Variants in HCRTR2 observed in about 807,000 individuals in gnomAD.
The protein encoded by HCRTR2 is hypocretin receptor 2, also known as orexin receptor type 2.
A neutral mutation model predicts 49.0 loss-of-function variants in HCRTR2; 22 were observed. The observed-to-expected ratio is 0.45, with a 90% confidence interval of 0.32 to 0.64. The LOEUF (loss-of-function observed/expected upper bound fraction) is 0.64. Among genes scored for constraint, HCRTR2 ranks in the 30% least tolerant of loss-of-function variants. HCRTR2 has a pLI of 0.04. For synonymous variants in HCRTR2, 236 were observed against 205.3 expected, an observed-to-expected ratio of 1.15 and a Z score of -1.28; for missense variants, 491 against 559.4, an observed-to-expected ratio of 0.88 and a Z score of 1.23.
At chr6:55,134,879 C>T (rs1561982710) in intron 1 of HCRTR2, among the ~76,000 whole-genome samples, 1 of 151,750 alleles carries the variant, frequency 6.6e-6, no homozygotes, top group Non-Finnish European at 1.5e-5. Context: ...GAAATATTTT[C>T]TTCTTTATTC....
intron 1 of HCRTR2, among the ~76,000 whole-genome samples, chr6:55,209,740 CT>C (rs1765664624): frequency 6.6e-6 from 1 of 152,070 alleles, no homozygotes; most frequent in Non-Finnish European, 1.5e-5. Context: ...GCAATACTTA[CT>C]TTAAAGTAGG....
chr6:55,214,736 A>G (rs1036606671), intron 1 of HCRTR2, among the ~76,000 whole-genome samples: 18 of 152,082 alleles, frequency 1.2e-4, no homozygotes, highest in Non-Finnish European at 1.5e-4. Context: ...AAATGTAACT[A>G]TAAGTAAAGA....
rs995128733 is a variant in HCRTR2 at position 55,263,582 on chromosome 6, C to T, written c.647-125C>T. 4.4e-6 allele frequency: 3 copies of T among 677,428 alleles called. No homozygotes were observed. The African/African-American group carries it at 5.3e-5, about 12-fold the overall frequency. The allele number at this position is 677,428 out of a possible 1,614,324, so 42.0% of individuals were successfully genotyped here. A position where few individuals can be genotyped will look rare whatever the true frequency, so the allele number is the denominator to read the frequency against. ...ATGAATTATTTTTCCCCTTTGCATACATAATATGACAATGAAATCATATAA... is the reference window on the plus strand; with the variant it reads ...ATGAATTATTTTTCCCCTTTGCATATATAATATGACAATGAAATCATATAA... On this transcript the variant is annotated intron_variant, in intron 3 of 6. Transcript: ENST00000370862.
chr6:55,140,161 C>A (rs1764487721), intron 1 of HCRTR2, among the ~76,000 whole-genome samples: 1 of 150,546 alleles, frequency 6.6e-6, no homozygotes, highest in African/African-American at 2.4e-5. Context: ...TAATCTGACC[C>A]TTTTTTTAGT....
chr6:55,153,247 G>T (rs142505787), intron 1 of HCRTR2, among the ~76,000 whole-genome samples: 2,362 of 152,066 alleles, frequency 0.016, 30 homozygotes, highest in Middle Eastern at 0.037. Context: ...CTGCAGGGAA[G>T]GGATACATTC....
chr6:55,125,831 C>A (rs1367952216), intron 1 of HCRTR2, among the ~76,000 whole-genome samples: 3 of 148,844 alleles, frequency 2.0e-5, no homozygotes, highest in East Asian at 1.9e-4. Context: ...CTTTTTTTTT[C>A]AAATCTTGTC....
intron 1 of HCRTR2, among the ~76,000 whole-genome samples, chr6:55,205,948 C>T (rs1350473780): frequency 1.3e-5 from 2 of 151,750 alleles, no homozygotes; most frequent in Non-Finnish European, 2.9e-5. Flanking sequence ...TCATGTACCC[C>T]ATAAATATAT....
At chr6:55,174,162 CA>C (rs572398930), upstream of HCRTR2, 53 of 211,140 alleles carry the variant, frequency 2.5e-4, 1 homozygote, top group South Asian at 3.1e-3. Flanking sequence ...CCCCACCCCC[CA>C]AAAAAACAGA....
chr6:55,124,994 G>T (rs1367839555), intron 1 of HCRTR2, among the ~76,000 whole-genome samples: 1 of 149,990 alleles, frequency 6.7e-6, no homozygotes, highest in Admixed American at 6.6e-5. Context: ...TTTATTTTGA[G>T]CCTATATGTG....
intron 1 of HCRTR2, among the ~76,000 whole-genome samples, chr6:55,238,516 T>A (rs1766257581): frequency 6.6e-6 from 1 of 152,166 alleles, no homozygotes; most frequent in Non-Finnish European, 1.5e-5. Context: ...TTCTCCATAG[T>A]CTGTAGGACA....
At chr6:55,220,934 C>T (rs1465261924) in intron 1 of HCRTR2, among the ~76,000 whole-genome samples, 1 of 152,100 alleles carries the variant, frequency 6.6e-6, no homozygotes, top group African/African-American at 2.4e-5. Flanking sequence ...AAAGACATTA[C>T]AATCCCACTT....
At position 55,174,948 on chromosome 6, in the gene HCRTR2, A is replaced by AAAT. The variant is rs201009789; in HGVS notation, c.223+152_223+154dup. ...TGCTCTCGGATGGGGTTTTCTAATA[A>AAAT]AATAATAATAATAATAGAAAGTTTT... On this transcript the variant is annotated intron_variant, in intron 1 of 6. Transcript: ENST00000370862. 1,025 of 649,898 alleles carry AAAT rather than the reference A, an allele frequency of 1.6e-3. 7 individuals carry two copies. The highest frequency in any genetic ancestry group is 0.016 in the African/African-American group (855 of 54,306). The allele number at this position is 649,898 out of a possible 1,614,324, so 40.3% of individuals were successfully genotyped here. A position where few individuals can be genotyped will look rare whatever the true frequency, so the allele number is the denominator to read the frequency against.
rs187436425 is a variant in HCRTR2, at chr6:55,122,333, G to A, written c.-378+15788G>A. Reference sequence around the variant, plus strand: ...TATCCCCTTTATCATTTTTTATTGTGTCTATTTGATTCTTCTCTCTTTTCT... The same window carrying A: ...TATCCCCTTTATCATTTTTTATTGTATCTATTTGATTCTTCTCTCTTTTCT... On this transcript the variant is annotated intron_variant, in intron 1 of 7. Coordinates refer to the HCRTR2 transcript ENST00000615358. Among the ~76,000 whole-genome samples, 460 of 152,010 alleles carry A rather than the reference G, an allele frequency of 3.0e-3. 1 individual carries two copies. The highest frequency in any genetic ancestry group is 0.011 in the African/African-American group (441 of 41,482).
intron 1 of HCRTR2, among the ~76,000 whole-genome samples, chr6:55,107,738 T>C (rs1054575921): frequency 2.6e-5 from 4 of 152,158 alleles, no homozygotes; most frequent in Non-Finnish European, 4.4e-5. Flanking sequence ...ATATTTTAAA[T>C]ATACATCCTG....
intron 6 of HCRTR2, among the ~76,000 whole-genome samples, chr6:55,281,874 T>C (rs949316314): frequency 1.3e-5 from 2 of 152,198 alleles, no homozygotes; most frequent in Admixed American, 1.3e-4. Flanking sequence ...TTGTGTTTAA[T>C]TATTAAATAT....
At chr6:55,111,155 T>C (rs866780465) in intron 1 of HCRTR2, among the ~76,000 whole-genome samples, 3 of 151,270 alleles carry the variant, frequency 2.0e-5, no homozygotes, top group African/African-American at 7.3e-5. Flanking sequence ...AAGATGGAAA[T>C]GGATACAGCA....
At chr6:55,259,936 G>A (rs1337199877) in intron 3 of HCRTR2, among the ~76,000 whole-genome samples, 1 of 152,054 alleles carries the variant, frequency 6.6e-6, no homozygotes, top group Non-Finnish European at 1.5e-5. Flanking sequence ...AGACTATCAT[G>A]TTTCCCTAGT....
chr6:55,144,099 CTTTTTTTTTTTT>C (rs530138605), intron 1 of HCRTR2, among the ~76,000 whole-genome samples: 19 of 85,388 alleles, frequency 2.2e-4, no homozygotes, highest in African/African-American at 1.1e-3. Flanking sequence ...CCCGTCCTGC[CTTTTTTTTTTTT>C]TTTTTTTTTT....
At chr6:55,256,704 A>T (rs1232116205) in intron 3 of HCRTR2, among the ~76,000 whole-genome samples, 1 of 152,004 alleles carries the variant, frequency 6.6e-6, no homozygotes, top group South Asian at 2.1e-4. Context: ...GACAAAAAAA[A>T]AATCAATGGA....
Sources: gnomAD v4.1 joint callset for allele counts (sites outside exome capture counted in the v4.1 genomes callset) on GRCh38, gnomAD v4.1.1 for gene constraint, MANE v1.5 for transcripts, NCBI Gene and HGNC (gene_info 2026-07-23, HGNC 2026-07-21) for gene names.